TAS2R30: variants seen among roughly 807,000 people sequenced by gnomAD.
TAS2R30 encodes taste 2 receptor member 30.
For missense variants in TAS2R30, 395 were observed against 371.6 expected (o/e 1.06, Z -0.52); for synonymous variants, 141 against 131.6 (o/e 1.07, Z -0.49).
exon 1 of TAS2R30, chr12:11,133,273 G>T: frequency 6.3e-7 from 1 of 1,590,148 alleles, no homozygotes; most frequent in Non-Finnish European, 8.5e-7. Flanking sequence ...TACACCACCA[G>T]TTTGTTTTCT....
exon 1 of TAS2R30, chr12:11,133,323 G>C: frequency 6.2e-7 from 1 of 1,613,684 alleles, no homozygotes; most frequent in Non-Finnish European, 8.5e-7. Flanking sequence ...AATCTATGGA[G>C]ACGAAGGCTT....
chr12:11,133,954 C>G lies in TAS2R30; in HGVS notation c.291G>C (p.Trp97Cys), dbSNP rs1476394075. Residue 97 changes from tryptophan (W) to cysteine (C), a missense_variant, in exon 1 of 1, where the codon TGG becomes TGC. Trp to Cys is a radical substitution (Grantham distance 215). Transcript: ENST00000539585. ...AAAACATGCTGAGGCTAGTAGCAAGCCAGCTGCTGAAATGGTTGGTTACTG... is the reference window on the plus strand; with the variant it reads ...AAAACATGCTGAGGCTAGTAGCAAGGCAGCTGCTGAAATGGTTGGTTACTG... The G allele has an allele frequency of 3.1e-6, 5 of 1,613,962 alleles. No individual in the cohort carries two copies. The South Asian group carries it at 5.5e-5, about 18-fold the overall frequency.
chr12:11,133,448 G>T lies in TAS2R30; in HGVS notation c.797C>A (p.Ala266Asp), dbSNP rs1257329016. 1.9e-6 allele frequency: 3 copies of T among 1,614,030 alleles called. No individual in the cohort carries two copies. In the East Asian group the frequency reaches 6.7e-5, roughly 36 times the overall value. ...GGTTGAAGGATAGCTGAATATAATAGCTTGGCAGAACATGAAGACAGGTTG... is the reference window on the plus strand; with the variant it reads ...GGTTGAAGGATAGCTGAATATAATATCTTGGCAGAACATGAAGACAGGTTG... Residue 266 changes from alanine to aspartate, a missense_variant, in exon 1 of 1, where the codon GCT (alanine) becomes GAT (aspartate). Ala to Asp is a moderately radical substitution (Grantham distance 126). Transcript: ENST00000539585.
Position 11,133,818 on chromosome 12 carries a change from G to A in TAS2R30, c.427C>T (p.His143Tyr), listed in dbSNP as rs937302767. The A allele has an allele frequency of 1.9e-6, 3 of 1,614,074 alleles. No individual in the cohort carries two copies. In the African/African-American group the frequency reaches 4.0e-5, roughly 22 times the overall value. Residue 143 changes from histidine to tyrosine, a missense_variant, in exon 1 of 1, where the codon CAT becomes TAT. Transcript: ENST00000539585. The stretch of plus-strand genomic sequence containing the variant: ...TCATCCATGTTTATCACAAAAAGAT[G>A]ACAAACCAAAAATAGCAAAGGCCCC...
chr12:11,134,369 A>G, exon 1 of TAS2R30: 4 of 1,158,864 alleles, frequency 3.5e-6, no homozygotes, highest in East Asian at 5.1e-5. Context: ...CATTCTTTTT[A>G]CTTTTAATTG....
chr12:11,133,693 G>C (rs1946447605), exon 1 of TAS2R30: 1 of 1,614,244 alleles, frequency 6.2e-7, no homozygotes, highest in Non-Finnish European at 8.5e-7. Flanking sequence ...GGGGTACAAA[G>C]TTTGCTAGCA....
At chr12:11,133,912 G>T in exon 1 of TAS2R30, 1 of 1,614,084 alleles carries the variant, frequency 6.2e-7, no homozygotes, top group Non-Finnish European at 8.5e-7. Flanking sequence ...TGGAGAAATT[G>T]GCAATCCTGA....
chr12:11,134,388 A>G, exon 1 of TAS2R30: 1 of 1,065,960 alleles, frequency 9.4e-7, no homozygotes, highest in South Asian at 1.8e-5. Context: ...TGCTGTGACC[A>G]GTGTCAAGTC....
the TAS2R30 span, chr12:11,134,066 C>T: frequency 6.2e-7 from 1 of 1,614,116 alleles, no homozygotes; most frequent in Non-Finnish European, 8.5e-7. Flanking sequence ...TAATAACACC[C>T]AGAGCAAACC....
exon 1 of TAS2R30, chr12:11,133,452 G>T: frequency 1.2e-6 from 2 of 1,614,006 alleles, no homozygotes; most frequent in Non-Finnish European, 1.7e-6. Context: ...ATAATAGCTT[G>T]GCAGAACATG....
chr12:11,134,278 T>A (rs1227090590), exon 1 of TAS2R30: 1 of 1,559,482 alleles, frequency 6.4e-7, no homozygotes, highest in Admixed American at 1.9e-5. Flanking sequence ...TTTAAAATGC[T>A]GGTGTAATAT....
exon 1 of TAS2R30, chr12:11,134,224 G>C (rs767655943): frequency 1.2e-6 from 2 of 1,612,940 alleles, no homozygotes; most frequent in Non-Finnish European, 1.7e-6. Context: ...TGGAAAAAAT[G>C]ATGGGCAGAA....
chr12:11,133,624 C>A (rs754773866), exon 1 of TAS2R30: 1 of 1,614,274 alleles, frequency 6.2e-7, no homozygotes, highest in Non-Finnish European at 8.5e-7. Context: ...GCTGCATCTT[C>A]TTGAGATGTT....
chr12:11,133,683 G>C (rs754652045), exon 1 of TAS2R30: 1 of 1,457,956 alleles, frequency 6.9e-7, no homozygotes, highest in East Asian at 2.5e-5. Flanking sequence ...GTCAGAGTGA[G>C]GGGTACAAAG....
chr12:11,133,142 C>CAA, exon 1 of TAS2R30: 1 of 965,848 alleles, frequency 1.0e-6, no homozygotes, highest in Non-Finnish European at 1.5e-6. Flanking sequence ...CACACACACA[C>CAA]ATCTATATAT....
chr12:11,134,226 T>C (rs773654415), exon 1 of TAS2R30: 5 of 1,612,976 alleles, frequency 3.1e-6, no homozygotes, highest in Non-Finnish European at 4.2e-6. Context: ...GAAAAAATGA[T>C]GGGCAGAAAA....
exon 1 of TAS2R30, chr12:11,134,297 G>A (rs1358977140): frequency 6.7e-7 from 1 of 1,485,280 alleles, no homozygotes; most frequent in Non-Finnish European, 9.0e-7. Context: ...ATCACTGGTT[G>A]TGATTGCTTG....
chr12:11,134,279 G>C, exon 1 of TAS2R30: 3 of 1,558,066 alleles, frequency 1.9e-6, no homozygotes, highest in Non-Finnish European at 2.6e-6. Context: ...TTAAAATGCT[G>C]GTGTAATATC....
chr12:11,133,599 A>G, exon 1 of TAS2R30: 1 of 1,614,266 alleles, frequency 6.2e-7, no homozygotes, highest in South Asian at 1.1e-5. Context: ...GGATCTTGAG[A>G]TCCTTTGCCA....
Sources: allele counts gnomAD v4.1 joint callset, GRCh38; gene constraint gnomAD v4.1.1; transcripts MANE v1.5; gene names NCBI Gene and HGNC (gene_info 2026-07-23, HGNC 2026-07-21).